DGUOK: variants seen among roughly 807,000 people sequenced by gnomAD.
DGUOK encodes the protein deoxyguanosine kinase, also known as deoxyguanosine kinase, mitochondrial.
In DGUOK, 30 loss-of-function variants were observed where a neutral mutation model predicts 36.6. That is an observed-to-expected ratio of 0.82 (90% CI 0.61 to 1.11). DGUOK has a LOEUF of 1.11. Ranked by LOEUF, DGUOK falls within the 50% of genes most tolerant of loss-of-function variation. The pLI is 0.00. For synonymous variants in DGUOK, 145 were observed against 126.3 expected (o/e 1.15, Z -0.99); for missense variants, 361 against 336.4 (o/e 1.07, Z -0.57).
At chr2:73,928,732 G>T (rs1415019369) in intron 1 of DGUOK, among the ~76,000 whole-genome samples, 1 of 152,172 alleles carries the variant, frequency 6.6e-6, no homozygotes, top group East Asian at 1.9e-4. Context: ...CCATTGGAAG[G>T]TTTGAGGAGT....
intron 1 of DGUOK, among the ~76,000 whole-genome samples, chr2:73,936,049 A>G (rs1681437226): frequency 6.6e-6 from 1 of 152,210 alleles, no homozygotes; most frequent in South Asian, 2.1e-4. Context: ...CAATTGTTCA[A>G]TCCCAGCCAT....
intron 4 of DGUOK, among the ~76,000 whole-genome samples, chr2:73,952,445 A>G (rs1466813458): frequency 3.3e-5 from 5 of 152,154 alleles, no homozygotes; most frequent in African/African-American, 1.2e-4. Flanking sequence ...TCAAGTTGGG[A>G]GAGAAGTCCT....
At chr2:73,946,692 T>G (rs1230947667) in intron 2 of DGUOK, 27 bp from the exon 3 acceptor site, 1 of 1,611,774 alleles carries the variant, frequency 6.2e-7, no homozygotes. Context: ...TCTAGGAAAT[T>G]TTCTTCTTTT....
Position 73,957,151 on chromosome 2 carries a change from G to A in DGUOK, c.618G>A (p.Arg206=). The change falls in exon 5 of 7, where the codon AGG becomes AGA. Residue 206 remains arginine, a synonymous_variant. Transcript: ENST00000264093. The part of the protein sequence containing the change: ...PQVCLKRLYQ[R]AREEEKGIEL... ...TTTGTTTGAAGAGACTGTACCAGAG[G>A]GCCAGGGAGGAGGAGAAAGGAATTG... The A allele has an allele frequency of 6.2e-7, 1 of 1,614,100 alleles. No individual in the cohort carries two copies. The highest frequency in any genetic ancestry group is 8.5e-7 in the Non-Finnish European group (1 of 1,179,996).
At chr2:73,948,964 T>G (rs1682524690) in intron 3 of DGUOK, among the ~76,000 whole-genome samples, 1 of 152,238 alleles carries the variant, frequency 6.6e-6, no homozygotes, top group Non-Finnish European at 1.5e-5. Context: ...GATCCTTTTT[T>G]GTTTTAAGAC....
In DGUOK at chr2:73,926,970, G is replaced by A. The variant is rs961313523; in HGVS notation, c.60G>A (p.Lys20=). Residue 20 remains lysine (K), a synonymous_variant, in exon 1 of 7, where the codon AAG becomes AAA. Coordinates refer to ENST00000264093, the MANE Select transcript of DGUOK (RefSeq NM_080916.3). ...GAGCACCCTTCAGTTCCATGGCCAA[G>A]AGCCCACTCGAGGGCGTTTCCTCCT... The part of the protein sequence containing the change: ...RLRAPFSSMA[K]SPLEGVSSSR... 27 of 1,612,868 alleles carry A rather than the reference G, an allele frequency of 1.7e-5. No individual in the cohort carries two copies. The highest frequency in any genetic ancestry group is 1.6e-4 in the African/African-American group (12 of 74,952).
At chr2:73,946,429 G>A (rs183780221) in intron 2 of DGUOK, among the ~76,000 whole-genome samples, 21 of 152,294 alleles carry the variant, frequency 1.4e-4, no homozygotes, top group Admixed American at 9.8e-4. Flanking sequence ...ATCAGTGATC[G>A]TGTTAATTCT....
At chr2:73,951,655 G>A (rs528476393) in intron 4 of DGUOK, among the ~76,000 whole-genome samples, 2 of 152,202 alleles carry the variant, frequency 1.3e-5, no homozygotes, top group East Asian at 1.9e-4. Flanking sequence ...AGGATGAGTG[G>A]GAGAGCTCCC....
At chr2:73,931,843 T>C (rs186077605) in intron 1 of DGUOK, among the ~76,000 whole-genome samples, 1 of 152,058 alleles carries the variant, frequency 6.6e-6, no homozygotes, top group Non-Finnish European at 1.5e-5. Context: ...CAGGCCTGAA[T>C]AGAAGAACTG....
intron 3 of DGUOK, among the ~76,000 whole-genome samples, chr2:73,949,141 G>A (rs373832837): frequency 3.0e-4 from 46 of 152,162 alleles, no homozygotes; most frequent in African/African-American, 1.0e-3. Context: ...TAGTAGAAAC[G>A]GGGTTTCACC....
chr2:73,947,892 A>G (rs1431503492), intron 3 of DGUOK: 1 of 152,208 alleles, frequency 6.6e-6, no homozygotes, highest in Non-Finnish European at 1.5e-5. Context: ...TTAATTCCAA[A>G]TTAGACAAAC....
chr2:73,934,623 C>T (rs1201197348), intron 1 of DGUOK, among the ~76,000 whole-genome samples: 3 of 151,896 alleles, frequency 2.0e-5, no homozygotes, highest in African/African-American at 7.3e-5. Context: ...TGTGGTGGCA[C>T]GTGCTTATAG....
intron 1 of DGUOK, among the ~76,000 whole-genome samples, chr2:73,932,223 A>AG (rs1681097341): frequency 6.6e-6 from 1 of 152,064 alleles, no homozygotes; most frequent in East Asian, 1.9e-4. Context: ...GGAGGACCTA[A>AG]TCTGACTCTT....
Position 73,929,688 on chromosome 2 carries a change from G to C in DGUOK, c.142+2636G>C, listed in dbSNP as rs534892879. On this transcript the variant is annotated intron_variant, in intron 1 of 6. Transcript: ENST00000264093. ...GATATCCTGGAAGCCAAGTGAAGAA[G>C]GTATTCAGTGGGAGGGAATGATCAG... 7.2e-5 allele frequency among the ~76,000 whole-genome samples: 11 copies of C among 152,256 alleles called. No homozygotes were observed. In the South Asian group the frequency reaches 1.0e-3, roughly 14 times the overall value.
chr2:73,958,520 C>G (rs954618350), intron 6 of DGUOK, among the ~76,000 whole-genome samples, 190 bp from the exon 7 acceptor site: 1 of 152,190 alleles, frequency 6.6e-6, no homozygotes, highest in Non-Finnish European at 1.5e-5. Context: ...AATGAGACTA[C>G]TGGATTCTAT....
rs538412548 is a variant in DGUOK at position 73,956,951 on chromosome 2, G to A, written c.592-174G>A. On this transcript the variant is annotated intron_variant, in intron 4 of 6. Transcript: ENST00000264093. ...GAAGAGCAGGTTTAAGGTGGAGATG[G>A]GAAAAGAATGGTGTAGATCCTCTGA... Among the ~76,000 whole-genome samples, 5 of 152,272 alleles carry A rather than the reference G, an allele frequency of 3.3e-5. No homozygotes were observed. The East Asian group carries it at 7.7e-4, about 23-fold the overall frequency.
chr2:73,947,044 A>T, intron 3 of DGUOK, 138 bp downstream of exon 3: 1 of 851,066 alleles, frequency 1.2e-6, no homozygotes, highest in South Asian at 1.4e-5. Flanking sequence ...ACAACACTAT[A>T]CAGATTTGTC....
Position 73,938,985 on chromosome 2 carries a change from C to T in DGUOK, c.218C>T (p.Ala73Val). 3 of 1,614,072 alleles carry T rather than the reference C, an allele frequency of 1.9e-6. No individual in the cohort carries two copies. The highest frequency in any genetic ancestry group is 1.7e-6 in the Non-Finnish European group (2 of 1,179,956). Reference protein sequence around the residue: ...PEWHVATEPVATWQNIQAAGT... With the variant: ...PEWHVATEPVVTWQNIQAAGT... The stretch of plus-strand genomic sequence containing the variant: ...TGGCACGTAGCTACAGAACCTGTAG[C>T]AACATGGCAGAATATCCAGGCTGCT... Residue 73 changes from alanine to valine, a missense_variant, in exon 2 of 7, where the codon GCA becomes GTA. By Grantham distance (64) the Ala-to-Val change is moderately conservative. Coordinates refer to ENST00000264093, the MANE Select transcript of DGUOK (RefSeq NM_080916.3).
rs1266229104 is a variant in DGUOK, at chr2:73,958,871, T to G, written c.*135T>G. On this transcript the variant is annotated 3_prime_UTR_variant, in exon 7 of 7. Coordinates refer to ENST00000264093, the MANE Select transcript of DGUOK (RefSeq NM_080916.3). Reference sequence around the variant, plus strand: ...GCACTCTGCCGCTCAAGAGCTGGTTTGTTAATTATTGTTAGACTTTGCCAT... The same window carrying G: ...GCACTCTGCCGCTCAAGAGCTGGTTGGTTAATTATTGTTAGACTTTGCCAT... 1.4e-6 allele frequency: 1 copy of G among 728,970 alleles called. No individual in the cohort carries two copies. The highest frequency in any genetic ancestry group is 2.4e-6 in the Non-Finnish European group (1 of 409,418). 45.2% of individuals were successfully genotyped at this position (728,970 alleles called of 1,614,324 possible). A position where few individuals can be genotyped will look rare whatever the true frequency, so the allele number is the denominator to read the frequency against.
Sources: allele counts gnomAD v4.1 joint callset (sites outside exome capture counted in the v4.1 genomes callset), GRCh38; gene constraint gnomAD v4.1.1; transcripts MANE v1.5; gene names NCBI Gene and HGNC (gene_info 2026-07-23, HGNC 2026-07-21).